Variants in PLCB1 observed in about 807,000 individuals in gnomAD.
The protein encoded by PLCB1 is phospholipase C beta 1, also known as 1-phosphatidylinositol 4,5-bisphosphate phosphodiesterase beta-1.
Under a neutral mutation model 161.8 loss-of-function variants are expected in PLCB1, and 46 were observed. That is an observed-to-expected ratio of 0.28 (90% CI 0.22 to 0.36). PLCB1 has a LOEUF of 0.36. PLCB1 is among the 10% of genes least tolerant of loss of function. The pLI is 1.00. For missense variants in PLCB1, 1,016 were observed against 1,472.5 expected, an observed-to-expected ratio of 0.69 and a Z score of 5.07; for synonymous variants, 517 against 503.7, an observed-to-expected ratio of 1.03 and a Z score of -0.35.
chr20:8,197,444 G>A (rs959929365), intron 2 of PLCB1, among the ~76,000 whole-genome samples: 3 of 152,098 alleles, frequency 2.0e-5, no homozygotes, highest in Non-Finnish European at 4.4e-5. Context: ...GTGTCTGTTG[G>A]CTGCATAAAT....
At chr20:8,656,887 C>T (rs1235278431) in intron 7 of PLCB1, among the ~76,000 whole-genome samples, 1 of 151,150 alleles carries the variant, frequency 6.6e-6, no homozygotes. Flanking sequence ...GCATTAACAT[C>T]CCTTTAGCAG....
rs138759581 is a variant in PLCB1 at position 8,317,811 on chromosome 20, G to T, written c.178-53571G>T. Among the ~76,000 whole-genome samples the T allele has an allele frequency of 5.6e-3, 857 of 152,212 alleles. 4 individuals are homozygous for T. Among genetic ancestry groups the T allele is most frequent in the Non-Finnish European group, 0.01 (680 of 67,992 alleles). On this transcript the variant is annotated intron_variant, in intron 2 of 31. Transcript: ENST00000338037. ...TTATTCATTGTAGAAATAAAGAAAA[G>T]AGTTAGTGTTGACCTTGTAACCATA...
At chr20:8,509,847 TC>T (rs1983805643) in intron 3 of PLCB1, among the ~76,000 whole-genome samples, 1 of 152,188 alleles carries the variant, frequency 6.6e-6, no homozygotes, top group African/African-American at 2.4e-5. Context: ...GAATAATTGT[TC>T]ATTTTCCAAG....
At chr20:8,298,397 A>AAGAGTGCGTGTTATCCTTTT (rs1983737677) in intron 2 of PLCB1, among the ~76,000 whole-genome samples, 1 of 151,868 alleles carries the variant, frequency 6.6e-6, no homozygotes, top group African/African-American at 2.4e-5. Flanking sequence ...GTTATCCTTT[A>AAGAGTGCGTGTTATCCTTTT]AAGAGTGCTT....
At chr20:8,209,257 G>T (rs1978693372) in intron 2 of PLCB1, among the ~76,000 whole-genome samples, 1 of 151,970 alleles carries the variant, frequency 6.6e-6, no homozygotes, top group Admixed American at 6.6e-5. Context: ...TAACCTCGGG[G>T]TTTGTCAACA....
intron 1 of PLCB1, among the ~76,000 whole-genome samples, chr20:8,134,527 A>T (rs1203198815): frequency 6.6e-6 from 1 of 152,242 alleles, no homozygotes; most frequent in East Asian, 1.9e-4. Context: ...ATCCAGGTAG[A>T]TGACTTTCAT....
intron 3 of PLCB1, among the ~76,000 whole-genome samples, chr20:8,432,303 G>A (rs985898270): frequency 1.3e-5 from 2 of 152,176 alleles, no homozygotes; most frequent in African/African-American, 4.8e-5. Flanking sequence ...GCTGCAAACA[G>A]CACCAACTCC....
chr20:8,296,007 C>T (rs1454425965), intron 2 of PLCB1, among the ~76,000 whole-genome samples: 1 of 152,132 alleles, frequency 6.6e-6, no homozygotes, highest in Non-Finnish European at 1.5e-5. Context: ...AGAAAGATTA[C>T]TGAACCAATT....
At position 8,308,239 on chromosome 20, in the gene PLCB1, A is replaced by G. The variant is rs530823085; in HGVS notation, c.178-63143A>G. Among the ~76,000 whole-genome samples the G allele has an allele frequency of 2.6e-5, 4 of 152,090 alleles. No homozygotes were observed. In the South Asian group the frequency reaches 8.3e-4, roughly 32 times the overall value. ...AATTTATTATTTAATAAACACATAT[A>G]TAGCACTTACCATCTGCCAAATTAT... On this transcript the variant is annotated intron_variant, in intron 2 of 31. Coordinates refer to ENST00000338037, the MANE Select transcript of PLCB1 (RefSeq NM_015192.4).
chr20:8,744,393 A>C (rs971963549), intron 23 of PLCB1, among the ~76,000 whole-genome samples: 14 of 152,094 alleles, frequency 9.2e-5, no homozygotes, highest in African/African-American at 2.9e-4. Context: ...ATTTCAGCCT[A>C]CTTTTTCTAT....
intron 3 of PLCB1, among the ~76,000 whole-genome samples, chr20:8,485,064 T>C (rs528337294): frequency 6.6e-6 from 1 of 152,336 alleles, no homozygotes; most frequent in Non-Finnish European, 1.5e-5. Flanking sequence ...AACCAGCACT[T>C]AATTATAATA....
At chr20:8,495,350 T>G (rs1052622202) in intron 3 of PLCB1, among the ~76,000 whole-genome samples, 3 of 151,732 alleles carry the variant, frequency 2.0e-5, no homozygotes, top group Non-Finnish European at 4.4e-5. Context: ...GTACTTTGAG[T>G]TCAGCCGGTG....
At chr20:8,542,691 A>G (rs546789951) in intron 3 of PLCB1, among the ~76,000 whole-genome samples, 13 of 152,308 alleles carry the variant, frequency 8.5e-5, no homozygotes, top group East Asian at 1.9e-4. Flanking sequence ...TTCAGACTCT[A>G]GGGAATTATT....
intron 3 of PLCB1, among the ~76,000 whole-genome samples, chr20:8,566,095 T>C (rs1986325047): frequency 6.6e-6 from 1 of 152,184 alleles, no homozygotes; most frequent in Non-Finnish European, 1.5e-5. Flanking sequence ...TAGGAATTTT[T>C]AAATCATCGC....
intron 3 of PLCB1, among the ~76,000 whole-genome samples, chr20:8,383,569 GTCA>G (rs1424510471): frequency 6.6e-6 from 1 of 152,142 alleles, no homozygotes; most frequent in Non-Finnish European, 1.5e-5. Flanking sequence ...ATTTGATCCT[GTCA>G]TCATTATGCT....
At position 8,486,791 on chromosome 20, in the gene PLCB1, G is replaced by A. The variant is rs150734264; in HGVS notation, c.246+115341G>A. ...ATTACAGGCGTGAGCCACCGCGCCC[G>A]GCCTCCAAAATATTTTCTTAAGGGT... On this transcript the variant is annotated intron_variant, in intron 3 of 31. Transcript: ENST00000338037. Among the ~76,000 whole-genome samples, 1,195 of 152,262 alleles carry A rather than the reference G, an allele frequency of 7.8e-3. 21 individuals carry two copies. The highest frequency in any genetic ancestry group is 0.027 in the African/African-American group (1,116 of 41,548).
chr20:8,804,432 T>C (rs1430357307), intron 31 of PLCB1, among the ~76,000 whole-genome samples: 1 of 704 alleles, frequency 1.4e-3, no homozygotes, highest in East Asian at 0.25. Flanking sequence ...TCCCTTTAGC[T>C]TTCCACTATA....
At chr20:8,824,547 C>T (rs1356708139) in intron 31 of PLCB1, among the ~76,000 whole-genome samples, 1 of 151,846 alleles carries the variant, frequency 6.6e-6, no homozygotes, top group Non-Finnish European at 1.5e-5. Context: ...ATAGAAACTG[C>T]AAGTAGCCTT....
intron 3 of PLCB1, among the ~76,000 whole-genome samples, chr20:8,528,867 A>G (rs1410607115): frequency 6.6e-6 from 1 of 152,004 alleles, no homozygotes; most frequent in African/African-American, 2.4e-5. Context: ...AGAAATTGAA[A>G]TGGATATTTC....
Sources: gnomAD v4.1 joint callset for allele counts (sites outside exome capture counted in the v4.1 genomes callset) on GRCh38, gnomAD v4.1.1 for gene constraint, MANE v1.5 for transcripts, NCBI Gene and HGNC (gene_info 2026-07-23, HGNC 2026-07-21) for gene names.